The following KCNB2 variants were observed in gnomAD, a reference collection of about 807,000 sequenced individuals.
KCNB2 encodes delayed rectifier potassium channel protein.
KCNB2 carries 15 observed loss-of-function variants against 61.5 expected under a neutral mutation model. The observed-to-expected ratio is 0.24, with a 90% CI of 0.16 to 0.38. KCNB2 has a LOEUF of 0.38. Ranked by LOEUF, KCNB2 falls within the 10% of genes least tolerant of loss-of-function variation. The probability of loss-of-function intolerance (pLI) is 1.00; values close to 1 mark genes in which losing one functional copy is unlikely to be tolerated. For missense variants in KCNB2, 828 were observed against 1,125.2 expected (o/e 0.74, Z 3.78); for synonymous variants, 457 against 446.0 (o/e 1.02, Z -0.31).
rs146925729 is a variant in KCNB2, at chr8:72,630,570, A to G, written c.579+62257A>G. The stretch of plus-strand genomic sequence containing the variant: ...ATTGCCTTTCAATTCTGGAGGCAAG[A>G]AGTCCTAGATCAAGGTGTCAGCAGG... On this transcript the variant is annotated intron_variant, in intron 2 of 2. Transcript: ENST00000523207. 7.2e-4 allele frequency among the ~76,000 whole-genome samples: 109 copies of G among 152,316 alleles called. 1 individual carries two copies. The highest frequency in any genetic ancestry group is 2.5e-3 in the African/African-American group (102 of 41,576).
At chr8:72,892,489 G>A (rs946484072) in intron 2 of KCNB2, among the ~76,000 whole-genome samples, 24 of 152,130 alleles carry the variant, frequency 1.6e-4, no homozygotes, top group African/African-American at 5.6e-4. Flanking sequence ...GTTAATCCAG[G>A]GTAATTTGCT....
In KCNB2 at chr8:72,935,849, T is replaced by G. The variant is rs187356136; in HGVS notation, c.580-86T>G. Reference sequence around the variant, plus strand: ...TTGGAAGAACTTGGAGCATTCCATATTAGTTAAACAATCACCGACCCATCT... The same window carrying G: ...TTGGAAGAACTTGGAGCATTCCATAGTAGTTAAACAATCACCGACCCATCT... On this transcript the variant is annotated intron_variant, in intron 2 of 2. Coordinates refer to ENST00000523207, the MANE Select transcript of KCNB2 (RefSeq NM_004770.3). 28 of 870,816 alleles carry G rather than the reference T, an allele frequency of 3.2e-5. No homozygotes were observed. The East Asian group carries it at 6.1e-4, about 19-fold the overall frequency. The allele number at this position is 870,816 out of a possible 1,614,324, so 53.9% of individuals were successfully genotyped here. A position where few individuals can be genotyped will look rare whatever the true frequency, so the allele number is the denominator to read the frequency against.
In KCNB2 at chr8:72,764,859, G is replaced by A. The variant is rs540137161; in HGVS notation, c.580-171076G>A. Among the ~76,000 whole-genome samples, 16 of 152,274 alleles carry A rather than the reference G, an allele frequency of 1.1e-4. 2 individuals carry two copies. The South Asian group carries it at 3.3e-3, about 32-fold the overall frequency. ...TCAACGGAAGCATAGACCAGAATTA[G>A]TGTCTATTCTGGGCAAAATATATCT... On this transcript the variant is annotated intron_variant, in intron 2 of 2. Transcript: ENST00000523207.
At chr8:72,926,291 T>C (rs1806647283) in intron 2 of KCNB2, among the ~76,000 whole-genome samples, 1 of 152,222 alleles carries the variant, frequency 6.6e-6, no homozygotes, top group Non-Finnish European at 1.5e-5. Flanking sequence ...AGAAATTTCA[T>C]AACCTAAAGT....
At chr8:72,839,189 T>G (rs933531238) in intron 2 of KCNB2, among the ~76,000 whole-genome samples, 5 of 152,244 alleles carry the variant, frequency 3.3e-5, no homozygotes, top group African/African-American at 1.2e-4. Context: ...CATAATATTT[T>G]ATGTTCTTTT....
intron 2 of KCNB2, among the ~76,000 whole-genome samples, chr8:72,821,022 T>C (rs1809489211): frequency 6.6e-6 from 1 of 152,220 alleles, no homozygotes; most frequent in African/African-American, 2.4e-5. Context: ...CATGTTCTGG[T>C]ATTCTTTTCA....
In KCNB2 at chr8:72,770,679, G is replaced by A. The variant is rs145570485; in HGVS notation, c.580-165256G>A. 3.4e-4 allele frequency among the ~76,000 whole-genome samples: 51 copies of A among 152,212 alleles called. No homozygotes were observed. The East Asian group carries it at 9.6e-3, about 29-fold the overall frequency. On this transcript the variant is annotated intron_variant, in intron 2 of 2. Coordinates refer to ENST00000523207, the MANE Select transcript of KCNB2 (RefSeq NM_004770.3). ...ACACCTATCTCATAAAGCTGTTGTG[G>A]GGATTAAATGGAATAATCCATGTAA...
chr8:72,791,086 T>G (rs1247896172), intron 2 of KCNB2, among the ~76,000 whole-genome samples: 1 of 152,106 alleles, frequency 6.6e-6, no homozygotes, highest in Non-Finnish European at 1.5e-5. Flanking sequence ...CAGGGAGAGA[T>G]TCTTAAAATG....
chr8:72,553,279 T>G (rs1253185279), intron 1 of KCNB2, among the ~76,000 whole-genome samples: 1 of 152,180 alleles, frequency 6.6e-6, no homozygotes, highest in Non-Finnish European at 1.5e-5. Flanking sequence ...GTAGTTGCTT[T>G]TAATCCTTTG....
In KCNB2 at chr8:72,694,323, C is replaced by T. The variant is rs185445126; in HGVS notation, c.579+126010C>T. ...TATATACTCACAAATATATCCCTTT[C>T]TTCTTGTCTCTCCAACTGGAAGCCC... is the stretch of plus-strand genomic sequence containing the variant. On this transcript the variant is annotated intron_variant, in intron 2 of 2. Coordinates refer to ENST00000523207, the MANE Select transcript of KCNB2 (RefSeq NM_004770.3). Among the ~76,000 whole-genome samples the T allele has an allele frequency of 2.0e-5, 3 of 152,318 alleles. No homozygotes were observed. The East Asian group carries it at 5.8e-4, about 29-fold the overall frequency.
intron 2 of KCNB2, among the ~76,000 whole-genome samples, chr8:72,725,573 A>ACG (rs1563571986): frequency 2.3e-4 from 14 of 62,162 alleles, no homozygotes; most frequent in African/African-American, 9.3e-4. Context: ...ATGTATATAT[A>ACG]TGTATATATA....
chr8:72,646,842 C>T (rs1415650521), intron 2 of KCNB2, among the ~76,000 whole-genome samples: 1 of 152,104 alleles, frequency 6.6e-6, no homozygotes, highest in Admixed American at 6.5e-5. Flanking sequence ...GTGCTTGATG[C>T]CACTGACTTG....
At chr8:72,871,951 T>C (rs1805625624) in intron 2 of KCNB2, among the ~76,000 whole-genome samples, 2 of 152,208 alleles carry the variant, frequency 1.3e-5, no homozygotes, top group South Asian at 4.1e-4. Context: ...ATGGCTTCCA[T>C]CATGCAAGTC....
chr8:72,659,357 A>G, intron 2 of KCNB2, among the ~76,000 whole-genome samples: 1 of 152,222 alleles, frequency 6.6e-6, no homozygotes, highest in Non-Finnish European at 1.5e-5. Flanking sequence ...TGTCTTTAAT[A>G]GATGAGGAGT....
At position 72,843,146 on chromosome 8, in the gene KCNB2, C is replaced by T. The variant is rs975836260; in HGVS notation, c.580-92789C>T. ...TTCCAGTACACTTTGTCTTTGTTCT[C>T]ATTGGTTTCAAATAACTTATTTATT... is the stretch of plus-strand genomic sequence containing the variant. On this transcript the variant is annotated intron_variant, in intron 2 of 2. Coordinates refer to ENST00000523207, the MANE Select transcript of KCNB2 (RefSeq NM_004770.3). Among the ~76,000 whole-genome samples the T allele has an allele frequency of 3.9e-5, 6 of 152,236 alleles. 1 individual carries two copies. The highest frequency in any genetic ancestry group is 2.9e-5 in the Non-Finnish European group (2 of 68,012).
chr8:72,826,708 TCCC>T (rs1563396654), intron 2 of KCNB2, among the ~76,000 whole-genome samples: 1 of 152,210 alleles, frequency 6.6e-6, no homozygotes, highest in Non-Finnish European at 1.5e-5. Flanking sequence ...CTTAGAGTCT[TCCC>T]TATTGGGACA....
chr8:72,768,798 C>G (rs1466353749), intron 2 of KCNB2, among the ~76,000 whole-genome samples: 4 of 152,088 alleles, frequency 2.6e-5, no homozygotes, highest in South Asian at 2.1e-4. Flanking sequence ...GTTGTCCTAG[C>G]ACCATTTGTT....
chr8:72,899,738 T>A (rs964828144), intron 2 of KCNB2, among the ~76,000 whole-genome samples: 20 of 152,056 alleles, frequency 1.3e-4, no homozygotes, highest in African/African-American at 4.6e-4. Flanking sequence ...ATCACATAAA[T>A]AAATGGAAAA....
intron 2 of KCNB2, among the ~76,000 whole-genome samples, chr8:72,807,177 A>C (rs1342716030): frequency 6.6e-6 from 1 of 152,222 alleles, no homozygotes; most frequent in African/African-American, 2.4e-5. Context: ...TGGAAGATAT[A>C]TGGCTGTTTT....
Sources: gnomAD v4.1 joint callset for allele counts (sites outside exome capture counted in the v4.1 genomes callset) on GRCh38, gnomAD v4.1.1 for gene constraint, MANE v1.5 for transcripts, NCBI Gene and HGNC (gene_info 2026-07-23, HGNC 2026-07-21) for gene names.